SUGP1: variants seen among roughly 807,000 people sequenced by gnomAD.
SUGP1 encodes SURP and G-patch domain containing 1, also known as SURP and G-patch domain-containing protein 1.
Under a neutral mutation model 76.5 loss-of-function variants are expected in SUGP1, and 34 were observed. The observed-to-expected ratio is 0.44, with a 90% CI of 0.34 to 0.59. The LOEUF is 0.59. SUGP1 is among the 20% of genes least tolerant of loss of function. SUGP1 has a pLI of 0.01. For missense variants in SUGP1, 752 were observed against 851.7 expected (o/e 0.88, Z 1.46); for synonymous variants, 326 against 326.2 (o/e 1.00, Z 0.01).
intron 8 of SUGP1, among the ~76,000 whole-genome samples, chr19:19,288,891 T>G (rs2061161392): frequency 6.6e-6 from 1 of 152,166 alleles, no homozygotes; most frequent in Non-Finnish European, 1.5e-5. Context: ...GTTCAAGCGA[T>G]TCTCCTGCCT....
At position 19,277,253 on chromosome 19, in the gene SUGP1, G is replaced by GT. The variant is rs1555787448; in HGVS notation, c.1782-178_1782-177insA. Among the ~76,000 whole-genome samples, 31 of 146,862 alleles carry GT rather than the reference G, an allele frequency of 2.1e-4. 1 individual carries two copies. The highest frequency in any genetic ancestry group is 7.0e-4 in the African/African-American group (28 of 39,928). On this transcript the variant is annotated intron_variant, in intron 12 of 13. Transcript: ENST00000247001. Reference sequence around the variant, plus strand: ...GGAGGGGAGACCCCCGGGGCGGGCGGGGGGGGGGGGCCTAGGCCCCAGGGT... The same window carrying GT: ...GGAGGGGAGACCCCCGGGGCGGGCGGTGGGGGGGGGGCCTAGGCCCCAGGGT...
At chr19:19,277,254 G>C (rs12981966) in intron 12 of SUGP1, among the ~76,000 whole-genome samples, 178 bp from the exon 13 acceptor site, 13 of 150,614 alleles carry the variant, frequency 8.6e-5, no homozygotes, top group South Asian at 4.2e-4. Context: ...GGGCGGGCGG[G>C]GGGGGGGGGC....
intron 8 of SUGP1, among the ~76,000 whole-genome samples, chr19:19,283,012 G>T (rs2061111284): frequency 6.6e-6 from 1 of 151,330 alleles, no homozygotes; most frequent in Non-Finnish European, 1.5e-5. Context: ...GGGAGGTGGA[G>T]ATTGCAGTGA....
In SUGP1 at chr19:19,280,217, C is replaced by T. The variant is rs752533161; in HGVS notation, c.1318G>A (p.Ala440Thr). ...GLVGVTELSDAQKKQLKEQQE... is the reference protein window; with the variant it reads ...GLVGVTELSDTQKKQLKEQQE... ...TGCTCCTTCAGCTGCTTCTTCTGGG[C>T]GTCTGAAAGCTCTGTGACGCCCACT... is the stretch of plus-strand genomic sequence containing the variant. The change falls in exon 9 of 14, where the codon GCC becomes ACC. Residue 440 changes from alanine (A) to threonine (T), a missense_variant. Coordinates refer to ENST00000247001, the MANE Select transcript of SUGP1 (RefSeq NM_172231.4). The T allele has an allele frequency of 2.0e-5, 33 of 1,613,848 alleles. No homozygotes were observed. The highest frequency in any genetic ancestry group is 1.6e-4 in the Middle Eastern group (1 of 6,082).
intron 8 of SUGP1, among the ~76,000 whole-genome samples, chr19:19,289,208 T>G (rs888214632): frequency 1.3e-5 from 2 of 152,162 alleles, no homozygotes; most frequent in Admixed American, 1.3e-4. Context: ...TATTTATGTA[T>G]CTAAACATAA....
chr19:19,301,984 C>A (rs970100115), intron 7 of SUGP1: 2 of 438,686 alleles, frequency 4.6e-6, no homozygotes, highest in Non-Finnish European at 8.2e-6. Flanking sequence ...CCAAAGGCAA[C>A]TGGGCAAGTG....
chr19:19,306,153 G>T, intron 3 of SUGP1, 77 bp from the exon 4 acceptor site: 1 of 1,369,088 alleles, frequency 7.3e-7, no homozygotes, highest in Non-Finnish European at 9.7e-7. Flanking sequence ...CCTAGGTGCT[G>T]TGGGCCCCGG....
intron 2 of SUGP1, among the ~76,000 whole-genome samples, chr19:19,311,556 T>C (rs1223155016): frequency 2.0e-5 from 3 of 151,518 alleles, no homozygotes; most frequent in Non-Finnish European, 4.4e-5. Context: ...TGAAACCCCA[T>C]CTCTACTAAA....
chr19:19,314,014 T>C (rs2061372427), intron 2 of SUGP1, among the ~76,000 whole-genome samples: 1 of 152,198 alleles, frequency 6.6e-6, no homozygotes, highest in African/African-American at 2.4e-5. Context: ...GGTGGGTTCC[T>C]GTAATCCCAG....
chr19:19,311,409 T>C (rs929374865), intron 2 of SUGP1, among the ~76,000 whole-genome samples: 3 of 151,204 alleles, frequency 2.0e-5, no homozygotes, highest in African/African-American at 7.3e-5. Context: ...TCCAGCAAGA[T>C]TGCTTTGGCT....
intron 8 of SUGP1, among the ~76,000 whole-genome samples, chr19:19,295,714 A>G (rs904275085): frequency 1.3e-5 from 2 of 151,928 alleles, no homozygotes; most frequent in African/African-American, 2.4e-5. Flanking sequence ...CTGTCTCAAA[A>G]CAAACAAAAA....
In SUGP1 at chr19:19,311,726, C is replaced by CA. The variant is rs55707664; in HGVS notation, c.207-1527dup. ...TGGGCGACAGAGCGAGACTCTGTCT[C>CA]AAAAAAAAAAAAAAAAAAAAAAAGA... is the stretch of plus-strand genomic sequence containing the variant. On this transcript the variant is annotated intron_variant, in intron 2 of 13. Coordinates refer to ENST00000247001, the MANE Select transcript of SUGP1 (RefSeq NM_172231.4). Among the ~76,000 whole-genome samples the CA allele has an allele frequency of 7.6e-3, 580 of 76,578 alleles. 8 individuals carry two copies. The highest frequency in any genetic ancestry group is 8.6e-3 in the Non-Finnish European group (333 of 38,500). 50.2% of individuals were successfully genotyped at this position (76,578 alleles called of 152,430 possible). A position where few individuals can be genotyped will look rare whatever the true frequency, so the allele number is the denominator to read the frequency against.
At chr19:19,300,272 C>T (rs535126027) in intron 7 of SUGP1, among the ~76,000 whole-genome samples, 12 of 152,136 alleles carry the variant, frequency 7.9e-5, no homozygotes, top group East Asian at 3.9e-4. Context: ...GATGGGGTTT[C>T]GCCATGTTGG....
intron 8 of SUGP1, among the ~76,000 whole-genome samples, chr19:19,292,160 CT>C (rs1328877684): frequency 2.0e-5 from 3 of 149,934 alleles, no homozygotes; most frequent in African/African-American, 7.4e-5. Flanking sequence ...GTAATCCCAG[CT>C]ACTCGGGAGG....
chr19:19,284,783 G>A (rs1010345453), intron 8 of SUGP1, among the ~76,000 whole-genome samples: 1 of 152,106 alleles, frequency 6.6e-6, no homozygotes, highest in Non-Finnish European at 1.5e-5. Context: ...AGGAACAACA[G>A]CTTCTGCCCA....
intron 8 of SUGP1, among the ~76,000 whole-genome samples, chr19:19,283,353 G>A (rs997287883): frequency 2.6e-5 from 4 of 151,732 alleles, no homozygotes; most frequent in Admixed American, 6.6e-5. Context: ...TGCAACCTCC[G>A]CCTCCACCTC....
intron 1 of SUGP1, among the ~76,000 whole-genome samples, chr19:19,317,136 C>CA (rs1317510314): frequency 0.024 from 1,869 of 77,998 alleles, 39 homozygotes; most frequent in Admixed American, 0.12. Flanking sequence ...GACTCTGTCT[C>CA]AAAAAAAAAA....
intron 8 of SUGP1, chr19:19,281,066 C>G (rs2061094808): frequency 6.6e-6 from 1 of 152,256 alleles, no homozygotes; most frequent in Non-Finnish European, 1.5e-5. Context: ...TTAGTCCTTC[C>G]TTGGTTTACA....
intron 1 of SUGP1, among the ~76,000 whole-genome samples, chr19:19,319,295 A>G (rs1036299095): frequency 2.6e-5 from 4 of 152,134 alleles, no homozygotes; most frequent in African/African-American, 9.7e-5. Flanking sequence ...CTTCTGCTTC[A>G]TCCTTGACAT....
Sources: allele counts gnomAD v4.1 joint callset (sites outside exome capture counted in the v4.1 genomes callset), GRCh38; gene constraint gnomAD v4.1.1; transcripts MANE v1.5; gene names NCBI Gene and HGNC (gene_info 2026-07-23, HGNC 2026-07-21).